Variants in USP20 observed in about 807,000 individuals in gnomAD.
USP20 encodes the protein ubiquitin specific peptidase 20.
In USP20, 80 loss-of-function variants were observed where a neutral mutation model predicts 124.2. The observed-to-expected ratio is 0.64, with a 90% CI of 0.54 to 0.78. USP20 has a LOEUF of 0.78. USP20 is among the 30% of genes least tolerant of loss of function. The pLI is 0.00. For missense variants in USP20, 1,043 were observed against 1,244.4 expected (o/e 0.84, Z 2.44); for synonymous variants, 481 against 512.3 (o/e 0.94, Z 0.83).
chr9:129,876,067 G>T, intron 21 of USP20, 63 bp from the exon 22 acceptor site: 1 of 1,435,622 alleles, frequency 7.0e-7, no homozygotes, highest in Non-Finnish European at 9.6e-7. Context: ...GGAAGGCAGT[G>T]ATCACTCTCC....
intron 19 of USP20, 146 bp from the exon 20 acceptor site, chr9:129,875,164 G>A: frequency 8.1e-7 from 1 of 1,231,130 alleles, no homozygotes; most frequent in Non-Finnish European, 1.1e-6. Flanking sequence ...CGGCACAGGG[G>A]GCTGCTCACA....
At chr9:129,868,770 C>T in intron 11 of USP20, 92 bp from the exon 12 acceptor site, 2 of 1,489,006 alleles carry the variant, frequency 1.3e-6, no homozygotes, top group Non-Finnish European at 1.8e-6. Flanking sequence ...AGGCTTTCGT[C>T]CCTTTAGGAG....
chr9:129,858,987 C>T (rs1332275563), intron 6 of USP20, among the ~76,000 whole-genome samples: 2 of 152,128 alleles, frequency 1.3e-5, no homozygotes, highest in African/African-American at 4.8e-5. Flanking sequence ...GATCTGAAAC[C>T]ATTCCTAAGG....
chr9:129,875,952 G>A (rs766312883), intron 21 of USP20, among the ~76,000 whole-genome samples, 178 bp from the exon 22 acceptor site: 4 of 18,022 alleles, frequency 2.2e-4, no homozygotes, highest in Non-Finnish European at 5.8e-4. Context: ...GACCTCCCTT[G>A]GGCTGTGGGC....
At chr9:129,876,773 G>C (rs2034429219) in intron 22 of USP20, among the ~76,000 whole-genome samples, 1 of 152,152 alleles carries the variant, frequency 6.6e-6, no homozygotes, top group Non-Finnish European at 1.5e-5. Context: ...GTGCTGTTGA[G>C]CTTAAAGAAC....
chr9:129,845,270 A>G (rs2032472249), intron 1 of USP20, among the ~76,000 whole-genome samples: 1 of 152,052 alleles, frequency 6.6e-6, no homozygotes, highest in Non-Finnish European at 1.5e-5. Flanking sequence ...GCTCCAGGGA[A>G]CAGAGGCTCT....
In USP20 at chr9:129,868,904, G is replaced by C; in HGVS notation, c.1178G>C (p.Cys393Ser). The C allele has an allele frequency of 6.2e-7, 1 of 1,609,668 alleles. No individual in the cohort carries two copies. Among genetic ancestry groups the C allele is most frequent in the Non-Finnish European group, 8.5e-7 (1 of 1,177,444 alleles). The stretch of plus-strand genomic sequence containing the variant: ...CACCTACGCAGCTCCTCTCGCCCCT[G>C]CAGCCCCGTCCACCACCACGAGGGC... ...DAHLRSSSRP[C>S]SPVHHHEGHA... Residue 393 changes from cysteine (C) to serine (S), a missense_variant, in exon 12 of 26, where the codon TGC becomes TCC. Transcript: ENST00000372429.
chr9:129,874,701 C>G lies in USP20; in HGVS notation c.1866C>G (p.Ser622=). The stretch of plus-strand genomic sequence containing the variant: ...CCTTCCTTGCCAAGGAGTGCACATC[C>G]CAGATCACCACCTACGACCTCCTCT... ...LRPFLAKECT[S]QITTYDLLSV... is the part of the protein sequence containing the mutation. The change falls in exon 18 of 26, where the codon TCC becomes TCG. Residue 622 remains serine (S), a synonymous_variant. Coordinates refer to ENST00000372429, the MANE Select transcript of USP20 (RefSeq NM_001110303.4). 6.2e-7 allele frequency: 1 copy of G among 1,614,002 alleles called. No individual in the cohort carries two copies. Among genetic ancestry groups the G allele is most frequent in the Non-Finnish European group, 8.5e-7 (1 of 1,180,030 alleles).
At chr9:129,872,899 C>CA (rs747967886) in intron 15 of USP20, among the ~76,000 whole-genome samples, 27 of 151,940 alleles carry the variant, frequency 1.8e-4, no homozygotes, top group Non-Finnish European at 3.2e-4. Flanking sequence ...CTTCCCACCC[C>CA]ACCTCCATTT....
intron 6 of USP20, among the ~76,000 whole-genome samples, chr9:129,859,368 G>C (rs1438152411): frequency 6.7e-6 from 1 of 149,802 alleles, no homozygotes; most frequent in Admixed American, 6.7e-5. Context: ...CTGCCTCCTG[G>C]GTTCAACTGA....
intron 22 of USP20, 33 bp from the exon 23 acceptor site, chr9:129,878,305 C>G: frequency 6.5e-7 from 1 of 1,527,022 alleles, no homozygotes; most frequent in Admixed American, 2.0e-5. Flanking sequence ...CTGACCTGCC[C>G]TCTGTCTCCT....
chr9:129,864,151 GTA>G (rs1432546547), intron 9 of USP20, among the ~76,000 whole-genome samples: 1 of 151,296 alleles, frequency 6.6e-6, no homozygotes, highest in East Asian at 1.9e-4. Flanking sequence ...GGAGAAATAT[GTA>G]TTAAATGTAG....
At chr9:129,855,098 C>T (rs2033142614) in intron 3 of USP20, among the ~76,000 whole-genome samples, 1 of 152,202 alleles carries the variant, frequency 6.6e-6, no homozygotes, top group Non-Finnish European at 1.5e-5. Flanking sequence ...TTGCTGGGCC[C>T]TGCTACAGAG....
chr9:129,847,475 G>A (rs185270534), intron 1 of USP20, among the ~76,000 whole-genome samples: 49 of 151,702 alleles, frequency 3.2e-4, no homozygotes, highest in African/African-American at 1.1e-3. Flanking sequence ...GCTAAATTTT[G>A]TATTTTTAGT....
At chr9:129,861,684 C>A in intron 8 of USP20, 72 bp downstream of exon 8, 2 of 1,473,470 alleles carry the variant, frequency 1.4e-6, no homozygotes, top group Non-Finnish European at 1.9e-6. Flanking sequence ...CAGTAGCAGC[C>A]CCCAGCCGGT....
In USP20 at chr9:129,880,486, C is replaced by T. The variant is rs552140569; in HGVS notation, c.*36C>T. On this transcript the variant is annotated 3_prime_UTR_variant, in exon 26 of 26. Coordinates refer to ENST00000372429, the MANE Select transcript of USP20 (RefSeq NM_001110303.4). ...CCACAGCCCCATGTGCCCCACCCCG[C>T]GGAAGGCGTGTTTGTGCCCAGAAGA... 1.8e-4 allele frequency: 118 copies of T among 638,976 alleles called. 2 individuals carry two copies. Among genetic ancestry groups the T allele is most frequent in the African/African-American group, 1.8e-3 (96 of 54,830 alleles). The allele number at this position is 638,976 out of a possible 1,614,324, so 39.6% of individuals were successfully genotyped here.
At chr9:129,864,381 C>T (rs985563444) in intron 9 of USP20, among the ~76,000 whole-genome samples, 1 of 150,066 alleles carries the variant, frequency 6.7e-6, no homozygotes, top group Non-Finnish European at 1.5e-5. Context: ...GTGGGAGGAT[C>T]GCTTGAGTCC....
chr9:129,836,765 G>C (rs2031868419), intron 1 of USP20, among the ~76,000 whole-genome samples: 1 of 152,208 alleles, frequency 6.6e-6, no homozygotes, highest in African/African-American at 2.4e-5. Context: ...AAGTCTCAAA[G>C]TCTTGCCCTC....
At chr9:129,844,879 A>G (rs945055002) in intron 1 of USP20, among the ~76,000 whole-genome samples, 5 of 151,750 alleles carry the variant, frequency 3.3e-5, no homozygotes, top group Non-Finnish European at 7.4e-5. Flanking sequence ...GAGGTAAATG[A>G]GGCAAAAATG....
Sources: gnomAD v4.1 joint callset for allele counts (sites outside exome capture counted in the v4.1 genomes callset) on GRCh38, gnomAD v4.1.1 for gene constraint, MANE v1.5 for transcripts, NCBI Gene and HGNC (gene_info 2026-07-23, HGNC 2026-07-21) for gene names.